The following GALNT10 variants were observed in gnomAD, a reference collection of about 807,000 sequenced individuals.
The protein encoded by GALNT10 is GalNAc transferase 10.
Under a neutral mutation model 75.0 loss-of-function variants are expected in GALNT10, and 41 were observed. The ratio of observed to expected loss-of-function variants is 0.55; its 90% confidence interval spans 0.43 to 0.71. The LOEUF (loss-of-function observed/expected upper bound fraction) is 0.71, where lower values mean the gene tolerates loss of function less well. GALNT10 is among the 30% of genes least tolerant of loss of function. The pLI is 0.00. For synonymous variants in GALNT10, 302 were observed against 313.0 expected (o/e 0.96, Z 0.37); for missense variants, 727 against 818.5 (o/e 0.89, Z 1.36).
At chr5:154,344,189 ATTTCTTTC>A (rs138486038) in intron 4 of GALNT10, among the ~76,000 whole-genome samples, 5 of 144,036 alleles carry the variant, frequency 3.5e-5, no homozygotes, top group South Asian at 4.4e-4. Flanking sequence ...TACAAAATAA[ATTTCTTTC>A]TTTCTTTCTT....
intron 7 of GALNT10, chr5:154,403,833 A>G (rs1756217657): frequency 4.3e-6 from 2 of 467,718 alleles, no homozygotes; most frequent in African/African-American, 4.0e-5. Context: ...GTTACTACCT[A>G]CTTTATAGGT....
chr5:154,385,055 G>A (rs1755788967), intron 6 of GALNT10, among the ~76,000 whole-genome samples: 1 of 152,220 alleles, frequency 6.6e-6, no homozygotes. Context: ...GGAGCTGCTT[G>A]GGCAGCTTTT....
chr5:154,415,794 C>T lies in GALNT10; in HGVS notation c.1515C>T (p.Phe505=). 6.2e-7 allele frequency: 1 copy of T among 1,614,134 alleles called. No individual in the cohort carries two copies. Among genetic ancestry groups the T allele is most frequent in the Non-Finnish European group, 8.5e-7 (1 of 1,179,974 alleles). The change falls in exon 11 of 12, where the codon TTC becomes TTT. Residue 505 remains phenylalanine, a synonymous_variant. Transcript: ENST00000297107. ...AAWNNMQVFT[F]TWREDIRPGD... ...GCCCCTGTGCACAGGTATTCACCTT[C>T]ACCTGGAGAGAGGACATCCGGCCTG... is the stretch of plus-strand genomic sequence containing the variant.
At chr5:154,344,220 T>C (rs1755083658) in intron 4 of GALNT10, among the ~76,000 whole-genome samples, 1 of 148,858 alleles carries the variant, frequency 6.7e-6, no homozygotes, top group Admixed American at 6.7e-5. Flanking sequence ...TTTTTTTTTT[T>C]TTTTTGAGAC....
intron 1 of GALNT10, among the ~76,000 whole-genome samples, chr5:154,293,844 C>T (rs10067420): frequency 0.11 from 16,450 of 151,624 alleles, 1,046 homozygotes; most frequent in African/African-American, 0.18. Context: ...CCTCTCCTGT[C>T]GACCTGTCTG....
In GALNT10 at chr5:154,330,195, A is replaced by G. The variant is rs567918490; in HGVS notation, c.568+457A>G. ...TGGCAAGTCTGCCTTTCAGGCAGGG[A>G]AAAGGGTGGAGAGCAAAGGGCACAA... On this transcript the variant is annotated intron_variant, in intron 4 of 11. Transcript: ENST00000297107. 1.9e-3 allele frequency among the ~76,000 whole-genome samples: 292 copies of G among 152,318 alleles called. 1 individual carries two copies. Among genetic ancestry groups the G allele is most frequent in the African/African-American group, 6.6e-3 (274 of 41,566 alleles).
chr5:154,192,259 G>C (rs1286433480), intron 1 of GALNT10, among the ~76,000 whole-genome samples: 1 of 152,240 alleles, frequency 6.6e-6, no homozygotes, highest in African/African-American at 2.4e-5. Flanking sequence ...ACCAATTTGA[G>C]CTCCGCCTGT....
intron 7 of GALNT10, among the ~76,000 whole-genome samples, chr5:154,393,711 C>T (rs1315132139): frequency 3.3e-5 from 5 of 151,990 alleles, no homozygotes; most frequent in African/African-American, 4.8e-5. Context: ...TGGTGTGCTG[C>T]GTGCCTGTAG....
intron 3 of GALNT10, among the ~76,000 whole-genome samples, chr5:154,320,627 G>C (rs1015262): frequency 0.76 from 114,928 of 152,174 alleles, 43,530 homozygotes; most frequent in Admixed American, 0.84. Context: ...AGAAGGGGTG[G>C]TTTCATTTAT....
chr5:154,347,088 A>T, intron 4 of GALNT10: 1 of 491,292 alleles, frequency 2.0e-6, no homozygotes, highest in South Asian at 1.5e-5. Flanking sequence ...AACAGTAATA[A>T]ATGTCACCAT....
intron 1 of GALNT10, among the ~76,000 whole-genome samples, chr5:154,267,696 A>G (rs1156770341): frequency 6.6e-6 from 1 of 152,148 alleles, no homozygotes; most frequent in East Asian, 1.9e-4. Context: ...AATCATTGCT[A>G]AGAGCCTTCT....
rs143141893 is a variant in GALNT10 at position 154,298,612 on chromosome 5, C to T, written c.401+533C>T. ...TGTGAGGTAGGTCCTGTAATGATGC[C>T]GATTTTACAGTGAGAAAACTGGGGC... On this transcript the variant is annotated intron_variant, in intron 3 of 11. Transcript: ENST00000297107. This position sits in a 1 kb window ranked among gnomAD's most constrained non-coding sequence, Gnocchi z 4.1. Among the ~76,000 whole-genome samples the T allele has an allele frequency of 1.9e-3, 293 of 152,088 alleles. 1 individual carries two copies. The highest frequency in any genetic ancestry group is 7.0e-3 in the African/African-American group (289 of 41,474).
chr5:154,375,883 GAC>G (rs1755646548), intron 4 of GALNT10, among the ~76,000 whole-genome samples: 1 of 152,230 alleles, frequency 6.6e-6, no homozygotes, highest in Non-Finnish European at 1.5e-5. Flanking sequence ...CTACATGTTG[GAC>G]CCAGGGAATG....
intron 1 of GALNT10, among the ~76,000 whole-genome samples, chr5:154,277,002 C>T (rs1207852760): frequency 6.6e-6 from 1 of 152,148 alleles, no homozygotes; most frequent in Non-Finnish European, 1.5e-5. Context: ...TCATTTGATT[C>T]CTCCTTACCA....
intron 1 of GALNT10, among the ~76,000 whole-genome samples, chr5:154,242,914 T>G (rs1049620623): frequency 1.3e-5 from 2 of 152,232 alleles, no homozygotes; most frequent in African/African-American, 4.8e-5. Flanking sequence ...GCTTTGTTAT[T>G]TGTTCTATTT....
chr5:154,272,002 T>C (rs1581949379), intron 1 of GALNT10, among the ~76,000 whole-genome samples: 3 of 152,360 alleles, frequency 2.0e-5, no homozygotes, highest in African/African-American at 7.2e-5. Flanking sequence ...ATACAACTTA[T>C]AATTATGCTT....
chr5:154,272,844 T>C (rs1011695233), intron 1 of GALNT10, among the ~76,000 whole-genome samples: 2 of 152,188 alleles, frequency 1.3e-5, no homozygotes, highest in African/African-American at 2.4e-5. Context: ...CTGTCTTATA[T>C]GTACTCTTTT....
intron 1 of GALNT10, among the ~76,000 whole-genome samples, chr5:154,286,822 G>C (rs1754118911): frequency 6.6e-6 from 1 of 152,218 alleles, no homozygotes; most frequent in African/African-American, 2.4e-5. Context: ...AGCAGGACTT[G>C]CCTGACGTGG....
intron 3 of GALNT10, among the ~76,000 whole-genome samples, chr5:154,306,661 G>A (rs775858961): frequency 6.6e-6 from 1 of 151,852 alleles, no homozygotes; most frequent in East Asian, 1.9e-4. Flanking sequence ...CAGAAGAAAG[G>A]ATGTGAAAAA....
Sources: allele counts gnomAD v4.1 joint callset (sites outside exome capture counted in the v4.1 genomes callset), GRCh38; gene constraint gnomAD v4.1.1; non-coding constraint Gnocchi (gnomAD v3.1); transcripts MANE v1.5; gene names NCBI Gene and HGNC (gene_info 2026-07-23, HGNC 2026-07-21).